The following RAPGEF2 variants were observed in gnomAD, a reference collection of about 807,000 sequenced individuals.
RAPGEF2 encodes the protein Rap guanine nucleotide exchange factor 2, also known as PDZ domain containing guanine nucleotide exchange factor (GEF) 1.
A neutral mutation model predicts 186.7 loss-of-function variants in RAPGEF2; 54 were observed. The ratio of observed to expected loss-of-function variants is 0.29; its 90% CI spans 0.23 to 0.36. The LOEUF (loss-of-function observed/expected upper bound fraction) is 0.36, where lower values mean the gene tolerates loss of function less well. RAPGEF2 is among the 10% of genes least tolerant of loss of function. The probability of loss-of-function intolerance (pLI) is 1.00; values close to 1 mark genes in which losing one functional copy is unlikely to be tolerated. For missense variants in RAPGEF2, 1,532 were observed against 2,045.0 expected, an observed-to-expected ratio of 0.75 and a Z score of 4.84; for synonymous variants, 712 against 705.9, an observed-to-expected ratio of 1.01 and a Z score of -0.14.
intron 7 of RAPGEF2, among the ~76,000 whole-genome samples, chr4:159,279,554 T>G (rs904491111): frequency 2.0e-5 from 3 of 152,244 alleles, no homozygotes; most frequent in Non-Finnish European, 4.4e-5. Context: ...TAACTTTACC[T>G]TGATCTCAAT....
At chr4:159,345,569 C>T (rs1730170942) in intron 24 of RAPGEF2, among the ~76,000 whole-genome samples, 1 of 152,194 alleles carries the variant, frequency 6.6e-6, no homozygotes, top group African/African-American at 2.4e-5. Context: ...TAAGGCAACC[C>T]ATTACTTTAG....
Position 159,131,519 on chromosome 4 carries a change from A to ATTGTTTTTTT in RAPGEF2, c.69+27290_69+27291insGTTTTTTTTT. On this transcript the variant is annotated intron_variant, in intron 1 of 29. Transcript: ENST00000691494. ...TGATATCTTTGTCTGATTAATTGCTATTTTTTTTTTTTTTTTTTTTTTTTT... is the reference window on the plus strand; with the variant it reads ...TGATATCTTTGTCTGATTAATTGCTATTGTTTTTTTTTTTTTTTTTTTTTTTTTTTTTTTT... 4.4e-3 allele frequency among the ~76,000 whole-genome samples: 162 copies of ATTGTTTTTTT among 37,154 alleles called. 19 individuals carry two copies. Among genetic ancestry groups the ATTGTTTTTTT allele is most frequent in the Non-Finnish European group, 5.7e-3 (115 of 20,156 alleles). 24.4% of individuals were successfully genotyped at this position (37,154 alleles called of 152,430 possible). A position where few individuals can be genotyped will look rare whatever the true frequency, so the allele number is the denominator to read the frequency against.
intron 1 of RAPGEF2, among the ~76,000 whole-genome samples, chr4:159,161,227 T>C (rs1423759551): frequency 1.3e-5 from 2 of 152,184 alleles, no homozygotes; most frequent in Non-Finnish European, 2.9e-5. Flanking sequence ...GTTAGTAAAA[T>C]TGAACTTCGT....
intron 26 of RAPGEF2, 98 bp from the exon 27 acceptor site, chr4:159,352,587 T>G: frequency 1.1e-6 from 1 of 932,350 alleles, no homozygotes; most frequent in Non-Finnish European, 1.7e-6. Context: ...TTAAGAGATA[T>G]CTATGCCTGC....
chr4:159,204,387 A>G (rs1263678936), intron 3 of RAPGEF2, among the ~76,000 whole-genome samples: 1 of 152,202 alleles, frequency 6.6e-6, no homozygotes, highest in Middle Eastern at 3.2e-3. Context: ...ACAGAAGGAA[A>G]GCAGCCTGTC....
At chr4:159,187,114 C>G (rs1299097586) in intron 2 of RAPGEF2, among the ~76,000 whole-genome samples, 2 of 152,178 alleles carry the variant, frequency 1.3e-5, no homozygotes, top group Non-Finnish European at 2.9e-5. Flanking sequence ...CATGAAAAGT[C>G]TGCTTCATCT....
intron 7 of RAPGEF2, among the ~76,000 whole-genome samples, chr4:159,249,621 T>C (rs1278122643): frequency 4.6e-5 from 7 of 152,046 alleles, no homozygotes; most frequent in Admixed American, 3.3e-4. Flanking sequence ...ATGCTATACG[T>C]ATTTATCTAT....
Position 159,346,743 on chromosome 4 carries a change from G to C in RAPGEF2, c.3503-46G>C, listed in dbSNP as rs912751063. 2.0e-6 allele frequency: 3 copies of C among 1,481,770 alleles called. No homozygotes were observed. In the African/African-American group the frequency reaches 4.2e-5, roughly 21 times the overall value. The allele number at this position is 1,481,770 out of a possible 1,614,324, so 91.8% of individuals were successfully genotyped here. A position where few individuals can be genotyped will look rare whatever the true frequency, so the allele number is the denominator to read the frequency against. ...AGAATTATCTTCTACATACCTACTA[G>C]CATCTAAAATTCTTTGTTCTATTTT... On this transcript the variant is annotated intron_variant, in intron 24 of 29. Transcript: ENST00000691494.
At chr4:159,104,254 C>CGAGGCAGAAATCCGGCCAAGGGCAGGCGG in intron 1 of RAPGEF2, 23 bp downstream of exon 1, 1 of 1,156,100 alleles carries the variant, frequency 8.6e-7, no homozygotes, top group Non-Finnish European at 1.1e-6. Context: ...CGGCCGCCTG[C>CGAGGCAGAAATCCGGCCAAGGGCAGGCGG]CCTTGGCCGG....
chr4:159,230,499 C>T (rs1346681821), intron 4 of RAPGEF2, among the ~76,000 whole-genome samples: 1 of 152,064 alleles, frequency 6.6e-6, no homozygotes, highest in Non-Finnish European at 1.5e-5. Flanking sequence ...ATTAAGGAGT[C>T]TGAATTTTAA....
In RAPGEF2 at chr4:159,237,842, T is replaced by TAAAAAA. The variant is rs58593781; in HGVS notation, c.282-943_282-938dup. 2.2e-4 allele frequency among the ~76,000 whole-genome samples: 15 copies of TAAAAAA among 66,928 alleles called. 1 individual carries two copies. The highest frequency in any genetic ancestry group is 6.6e-4 in the African/African-American group (12 of 18,234). 43.9% of individuals were successfully genotyped at this position (66,928 alleles called of 152,430 possible). A position where few individuals can be genotyped will look rare whatever the true frequency, so the allele number is the denominator to read the frequency against. The stretch of plus-strand genomic sequence containing the variant: ...AGCTAGACTTTGTCTCTACAAAAAT[T>TAAAAAA]AAAAAAAAAAAAAAAAAAAAAAAAA... On this transcript the variant is annotated intron_variant, in intron 4 of 29. Coordinates refer to ENST00000691494, the MANE Select transcript of RAPGEF2 (RefSeq NM_001394067.2).
rs1766527797 is a variant in RAPGEF2 at position 159,330,424 on chromosome 4, A to G, written c.1393A>G (p.Thr465Ala). The G allele has an allele frequency of 6.2e-7, 1 of 1,608,234 alleles. No individual in the cohort carries two copies. Among genetic ancestry groups the G allele is most frequent in the African/African-American group, 1.3e-5 (1 of 74,536 alleles). The change falls in exon 13 of 30, where the codon ACT becomes GCT. Residue 465 changes from threonine to alanine, a missense_variant. By Grantham distance (58) the Thr-to-Ala change is moderately conservative (BLOSUM62 0). Coordinates refer to ENST00000691494, the MANE Select transcript of RAPGEF2 (RefSeq NM_001394067.2). Reference protein sequence around the residue: ...FIEDFLLTYRTFLSSPMEVGK... With the variant: ...FIEDFLLTYRAFLSSPMEVGK... ...AGAAGACTTTCTGTTGACCTATAGG[A>G]CTTTTCTTTCTAGCCCAATGGAAGT...
intron 1 of RAPGEF2, among the ~76,000 whole-genome samples, chr4:159,167,587 A>AT (rs1441172890): frequency 1.3e-5 from 2 of 151,814 alleles, no homozygotes; most frequent in Non-Finnish European, 2.9e-5. Context: ...TCCTTTTGTG[A>AT]TTTTTTTTCT....
intron 1 of RAPGEF2, among the ~76,000 whole-genome samples, chr4:159,139,264 T>C (rs1742052834): frequency 6.6e-6 from 1 of 152,018 alleles, no homozygotes; most frequent in African/African-American, 2.4e-5. Flanking sequence ...GGAAGTGCAA[T>C]GAGGAAGCAG....
intron 7 of RAPGEF2, among the ~76,000 whole-genome samples, chr4:159,303,129 A>T (rs1762869600): frequency 6.6e-6 from 1 of 152,164 alleles, no homozygotes; most frequent in Admixed American, 6.6e-5. Flanking sequence ...TTCAGACAGT[A>T]GGTCTGAATT....
intron 1 of RAPGEF2, among the ~76,000 whole-genome samples, chr4:159,135,859 A>G (rs1441631114): frequency 1.3e-5 from 2 of 152,140 alleles, no homozygotes; most frequent in Non-Finnish European, 2.9e-5. Context: ...TCGGCCTCCC[A>G]AAGTGCTGGG....
At chr4:159,179,899 A>C (rs1746831446) in intron 1 of RAPGEF2, among the ~76,000 whole-genome samples, 1 of 152,190 alleles carries the variant, frequency 6.6e-6, no homozygotes, top group South Asian at 2.1e-4. Context: ...GGAAGTACAA[A>C]TGCCGACAGA....
At chr4:159,165,256 A>C (rs1745183267) in intron 1 of RAPGEF2, among the ~76,000 whole-genome samples, 1 of 152,172 alleles carries the variant, frequency 6.6e-6, no homozygotes, top group Admixed American at 6.5e-5. Context: ...GTCTTGTTTT[A>C]AATACTACTT....
intron 1 of RAPGEF2, among the ~76,000 whole-genome samples, chr4:159,185,239 G>C (rs1435325117): frequency 6.6e-6 from 1 of 152,170 alleles, no homozygotes; most frequent in African/African-American, 2.4e-5. Context: ...TGGTTGCAGT[G>C]ACTTAGGAAA....
Sources: allele counts gnomAD v4.1 joint callset (sites outside exome capture counted in the v4.1 genomes callset), GRCh38; gene constraint gnomAD v4.1.1; transcripts MANE v1.5; gene names NCBI Gene and HGNC (gene_info 2026-07-23, HGNC 2026-07-21).